The following HIVEP3 variants were observed in gnomAD, a reference collection of about 807,000 sequenced individuals.
HIVEP3 encodes HIVEP zinc finger 3.
A neutral mutation model predicts 152.8 loss-of-function variants in HIVEP3; 49 were observed. The observed-to-expected ratio is 0.32, with a 90% CI of 0.26 to 0.41. HIVEP3 has a LOEUF of 0.41. Among genes scored for constraint, HIVEP3 ranks in the 10% least tolerant of loss-of-function variants. HIVEP3 has a pLI of 1.00. For synonymous variants in HIVEP3, 1,269 were observed against 1,289.0 expected (o/e 0.98, Z 0.33); for missense variants, 2,790 against 3,103.3 (o/e 0.90, Z 2.40).
At chr1:41,605,722 G>C (rs1037507475) in intron 3 of HIVEP3, among the ~76,000 whole-genome samples, 1 of 152,074 alleles carries the variant, frequency 6.6e-6, no homozygotes, top group African/African-American at 2.4e-5. Context: ...GAGCAGAAAA[G>C]GGGATGAGTG....
chr1:41,661,007 A>G (rs1358102818), intron 2 of HIVEP3, among the ~76,000 whole-genome samples: 1 of 152,232 alleles, frequency 6.6e-6, no homozygotes, highest in African/African-American at 2.4e-5. Context: ...GAGCAGAGCC[A>G]TGACAACTAC....
chr1:41,589,945 C>T (rs1009847939), intron 3 of HIVEP3, among the ~76,000 whole-genome samples: 15 of 152,200 alleles, frequency 9.9e-5, no homozygotes, highest in African/African-American at 3.6e-4. Flanking sequence ...GAACCCAGGG[C>T]ACAAGGCCAC....
At chr1:41,971,755 C>T (rs901002317) in intron 1 of HIVEP3, among the ~76,000 whole-genome samples, 5 of 152,172 alleles carry the variant, frequency 3.3e-5, no homozygotes, top group Admixed American at 3.3e-4. Context: ...GTGTCTCCTC[C>T]AAAATTCATG....
chr1:41,901,972 C>A (rs7523265), intron 1 of HIVEP3, among the ~76,000 whole-genome samples: 5,403 of 152,194 alleles, frequency 0.036, 299 homozygotes, highest in African/African-American at 0.12. Flanking sequence ...TGACACAGAA[C>A]AGGGATTCAA....
chr1:41,823,495 A>G (rs1393172869), intron 1 of HIVEP3, among the ~76,000 whole-genome samples: 1 of 152,244 alleles, frequency 6.6e-6, no homozygotes, highest in Non-Finnish European at 1.5e-5. Context: ...GTTCTGTGCC[A>G]CATGCCAAGA....
At chr1:41,871,747 A>G (rs1644083791) in intron 1 of HIVEP3, among the ~76,000 whole-genome samples, 2 of 152,216 alleles carry the variant, frequency 1.3e-5, no homozygotes, top group South Asian at 4.1e-4. Flanking sequence ...TGTCTTATCA[A>G]TGATTTCATA....
chr1:41,686,059 T>C (rs187351244), intron 2 of HIVEP3, among the ~76,000 whole-genome samples: 1 of 149,614 alleles, frequency 6.7e-6, no homozygotes, highest in East Asian at 1.9e-4. Flanking sequence ...GTTTGTTTGT[T>C]TGTTTTGTTT....
At chr1:41,670,258 G>C (rs1247832206) in intron 2 of HIVEP3, among the ~76,000 whole-genome samples, 2 of 152,150 alleles carry the variant, frequency 1.3e-5, no homozygotes, top group Non-Finnish European at 2.9e-5. Context: ...GCAGGGCAGG[G>C]ACCATCAGCC....
chr1:41,580,718 T>A lies in HIVEP3; in HGVS notation c.4080A>T (p.Glu1360Asp). 3.1e-6 allele frequency: 5 copies of A among 1,592,622 alleles called. No individual in the cohort carries two copies. Among genetic ancestry groups the A allele is most frequent in the Non-Finnish European group, 4.3e-6 (5 of 1,169,820 alleles). Residue 1360 changes from glutamate to aspartate, a missense_variant, in exon 4 of 9, where the codon GAA becomes GAT. By Grantham distance (45) the Glu-to-Asp change is conservative. Transcript: ENST00000372583. ...ATACAGTCGTCCCCTTTGATGGGGGTTCCTCAAACTTGGGAAGTGCCACAG... is the reference window on the plus strand; with the variant it reads ...ATACAGTCGTCCCCTTTGATGGGGGATCCTCAAACTTGGGAAGTGCCACAG... ...SATVALPKFE[E>D]PPSKGTTVCG...
At chr1:41,949,037 C>T (rs1202855570) in intron 1 of HIVEP3, among the ~76,000 whole-genome samples, 1 of 152,154 alleles carries the variant, frequency 6.6e-6, no homozygotes, top group Admixed American at 6.5e-5. Context: ...TTTAGCAATA[C>T]TATAGACACA....
chr1:41,593,824 C>T lies in HIVEP3; in HGVS notation c.-521-8506G>A, dbSNP rs1644624187. The stretch of plus-strand genomic sequence containing the variant: ...GGTCAGACGTCTGAAATAGGTCTCA[C>T]TCGGCTAAAAGCAAGGTGTCAGCAG... On this transcript the variant is annotated intron_variant, in intron 3 of 8. Transcript: ENST00000372583. Among the ~76,000 whole-genome samples the T allele has an allele frequency of 3.9e-5, 6 of 152,226 alleles. No homozygotes were observed. In the South Asian group the frequency reaches 1.2e-3, roughly 32 times the overall value.
At chr1:41,711,852 TG>T (rs1264482004) in intron 1 of HIVEP3, among the ~76,000 whole-genome samples, 1 of 152,072 alleles carries the variant, frequency 6.6e-6, no homozygotes, top group Non-Finnish European at 1.5e-5. Context: ...CTCTAAACAA[TG>T]GGCTATTCTG....
At chr1:41,705,258 C>T (rs574059862) in intron 1 of HIVEP3, among the ~76,000 whole-genome samples, 81 of 152,344 alleles carry the variant, frequency 5.3e-4, no homozygotes, top group Non-Finnish European at 7.1e-4. Context: ...TCTTTCTCTA[C>T]GCTCTCATCT....
chr1:41,575,693 G>A lies in HIVEP3; in HGVS notation c.5062-4C>T, dbSNP rs983269615. 5.6e-6 allele frequency: 9 copies of A among 1,613,340 alleles called. No homozygotes were observed. In the African/African-American group the frequency reaches 1.2e-4, roughly 22 times the overall value. ...AAACCAGTGAAGGGAGGTGAACCTG[G>A]CCCACCGCAGGAATGACAAAATCAT... On this transcript the variant is annotated splice_region_variant and splice_polypyrimidine_tract_variant and intron_variant, in intron 4 of 8. Transcript: ENST00000372583.
chr1:41,628,670 G>A, intron 3 of HIVEP3, 79 bp downstream of exon 3: 1 of 1,037,566 alleles, frequency 9.6e-7, no homozygotes, highest in Non-Finnish European at 1.2e-6. Context: ...TTTTTCAGAG[G>A]AAGAACTAAG....
intron 5 of HIVEP3, among the ~76,000 whole-genome samples, chr1:41,553,350 T>C (rs1370509037): frequency 6.6e-6 from 1 of 152,228 alleles, no homozygotes; most frequent in Non-Finnish European, 1.5e-5. Context: ...TCCATTTACT[T>C]GGTAGATCTT....
intron 5 of HIVEP3, among the ~76,000 whole-genome samples, chr1:41,529,051 ACCC>A (rs1182743195): frequency 1.0e-5 from 1 of 99,510 alleles, no homozygotes; most frequent in Non-Finnish European, 2.0e-5. Flanking sequence ...ACATGCTCAC[ACCC>A]CCACCCTCAC....
intron 3 of HIVEP3, among the ~76,000 whole-genome samples, chr1:41,589,142 C>T (rs1461982874): frequency 6.6e-6 from 1 of 152,120 alleles, no homozygotes; most frequent in African/African-American, 2.4e-5. Flanking sequence ...GCCACTTTTC[C>T]AGGGAATTGG....
At chr1:41,545,605 C>CCAT (rs1643764094) in intron 5 of HIVEP3, among the ~76,000 whole-genome samples, 4 of 140,312 alleles carry the variant, frequency 2.9e-5, no homozygotes, top group African/African-American at 8.2e-5. Context: ...ACCACCACCA[C>CCAT]CATCACCACC....
Sources: gnomAD v4.1 joint callset for allele counts (sites outside exome capture counted in the v4.1 genomes callset) on GRCh38, gnomAD v4.1.1 for gene constraint, MANE v1.5 for transcripts, NCBI Gene and HGNC (gene_info 2026-07-23, HGNC 2026-07-21) for gene names.